XKR4: variants seen among roughly 807,000 people sequenced by gnomAD.
XKR4 encodes the protein XK related 4.
A neutral mutation model predicts 53.9 loss-of-function variants in XKR4; 12 were observed. The observed-to-expected ratio is 0.22, with a 90% CI of 0.14 to 0.36. The LOEUF is 0.36. Among genes scored for constraint, XKR4 ranks in the 10% least tolerant of loss-of-function variants. The pLI is 1.00. For synonymous variants in XKR4, 354 were observed against 362.4 expected (o/e 0.98, Z 0.26); for missense variants, 799 against 859.5 (o/e 0.93, Z 0.88).
chr8:55,274,283 G>T (rs912880456), intron 1 of XKR4, among the ~76,000 whole-genome samples: 34 of 152,122 alleles, frequency 2.2e-4, no homozygotes, highest in Admixed American at 4.6e-4. Context: ...TCACAGTTCT[G>T]CAGGCCAAAG....
chr8:55,250,741 T>C (rs1429131813), intron 1 of XKR4, among the ~76,000 whole-genome samples: 3 of 152,218 alleles, frequency 2.0e-5, no homozygotes, highest in Non-Finnish European at 2.9e-5. Context: ...CTAGCAACTG[T>C]GAATGTCAAT....
intron 2 of XKR4, among the ~76,000 whole-genome samples, chr8:55,433,286 A>T (rs1805127541): frequency 6.6e-6 from 1 of 152,232 alleles, no homozygotes; most frequent in African/African-American, 2.4e-5. Context: ...CAAGGAGAGA[A>T]TGTGTTTTCA....
At chr8:55,212,896 A>G (rs1360644948) in intron 1 of XKR4, among the ~76,000 whole-genome samples, 2 of 152,236 alleles carry the variant, frequency 1.3e-5, no homozygotes, top group South Asian at 2.1e-4. Flanking sequence ...ATTTTAAAAT[A>G]TTAGAATTAT....
At chr8:55,410,102 AG>A (rs1804752365) in intron 2 of XKR4, among the ~76,000 whole-genome samples, 1 of 149,782 alleles carries the variant, frequency 6.7e-6, no homozygotes, top group Admixed American at 6.6e-5. Context: ...AAAAAAAAAA[AG>A]CCTTTTGAAA....
chr8:55,103,809 G>A (rs967096465), intron 1 of XKR4, among the ~76,000 whole-genome samples: 4 of 145,410 alleles, frequency 2.8e-5, no homozygotes, highest in African/African-American at 1.0e-4. Context: ...TGCTGGAGAA[G>A]TGCTTTACTC....
At chr8:55,310,307 C>A (rs941410644) in intron 1 of XKR4, among the ~76,000 whole-genome samples, 3 of 152,130 alleles carry the variant, frequency 2.0e-5, no homozygotes, top group Admixed American at 6.5e-5. Context: ...CTTCCAAGTG[C>A]GTGACCTTCA....
chr8:55,201,787 T>C (rs901769349), intron 1 of XKR4, among the ~76,000 whole-genome samples: 6 of 152,208 alleles, frequency 3.9e-5, no homozygotes, highest in Non-Finnish European at 5.9e-5. Flanking sequence ...TGAAATCGCA[T>C]GCACATTCCT....
In XKR4 at chr8:55,506,068, T is replaced by C. The variant is rs556875544; in HGVS notation, c.1007-17213T>C. ...CTAACTGGCAGTAGCCACCATTTTA[T>C]AACTCTGAAGTAATTGAAAGACAGA... On this transcript the variant is annotated intron_variant, in intron 2 of 2. Coordinates refer to ENST00000327381, the MANE Select transcript of XKR4 (RefSeq NM_052898.2). 1.1e-3 allele frequency among the ~76,000 whole-genome samples: 165 copies of C among 152,384 alleles called. 1 individual carries two copies. The highest frequency in any genetic ancestry group is 2.9e-4 in the Non-Finnish European group (20 of 68,034).
In XKR4 at chr8:55,263,802, C is replaced by T. The variant is rs115051052; in HGVS notation, c.807-93876C>T. Among the ~76,000 whole-genome samples, 705 of 152,308 alleles carry T rather than the reference C, an allele frequency of 4.6e-3. 6 individuals carry two copies. Among genetic ancestry groups the T allele is most frequent in the African/African-American group, 0.016 (658 of 41,568 alleles). On this transcript the variant is annotated intron_variant, in intron 1 of 2. Transcript: ENST00000327381. ...ACGTCTTTTTGAATGCAGACTAAAA[C>T]ACAGCACTTGGCTGAAACAAACGTC...
intron 2 of XKR4, among the ~76,000 whole-genome samples, chr8:55,374,439 C>T (rs569798173): frequency 6.6e-6 from 1 of 152,308 alleles, no homozygotes; most frequent in Non-Finnish European, 1.5e-5. Context: ...TTTGCACACA[C>T]TGTACCTCAA....
At chr8:55,468,086 T>A (rs117825882) in intron 2 of XKR4, among the ~76,000 whole-genome samples, 42 of 152,206 alleles carry the variant, frequency 2.8e-4, no homozygotes, top group Admixed American at 1.4e-3. Context: ...GGATTTCCAG[T>A]TTCCATCACA....
intron 1 of XKR4, among the ~76,000 whole-genome samples, chr8:55,178,575 A>G (rs1306637086): frequency 6.6e-6 from 1 of 152,166 alleles, no homozygotes; most frequent in Non-Finnish European, 1.5e-5. Flanking sequence ...CTCCTGGCAA[A>G]ATAAAACCAA....
intron 2 of XKR4, among the ~76,000 whole-genome samples, chr8:55,508,324 G>A (rs1585611847): frequency 1.3e-5 from 2 of 152,144 alleles, no homozygotes; most frequent in South Asian, 2.1e-4. Flanking sequence ...AGCAAAAACA[G>A]CATCCAAGCC....
At chr8:55,430,899 AAAT>A (rs1413985242) in intron 2 of XKR4, among the ~76,000 whole-genome samples, 21 of 152,224 alleles carry the variant, frequency 1.4e-4, no homozygotes, top group African/African-American at 5.1e-4. Flanking sequence ...CTCAGGCTTC[AAAT>A]AGAGTCACAT....
At chr8:55,438,494 G>T (rs1283982672) in intron 2 of XKR4, among the ~76,000 whole-genome samples, 1 of 149,838 alleles carries the variant, frequency 6.7e-6, no homozygotes, top group Non-Finnish European at 1.5e-5. Context: ...GGAGGCTGAG[G>T]AAGGAGAATT....
At chr8:55,274,340 T>C (rs1466999566) in intron 1 of XKR4, among the ~76,000 whole-genome samples, 4 of 152,134 alleles carry the variant, frequency 2.6e-5, no homozygotes, top group Admixed American at 1.3e-4. Flanking sequence ...GAGGCCTCTC[T>C]CCTTAGCTTG....
intron 1 of XKR4, among the ~76,000 whole-genome samples, chr8:55,224,063 C>T (rs1218341810): frequency 6.6e-6 from 1 of 152,194 alleles, no homozygotes; most frequent in Non-Finnish European, 1.5e-5. Context: ...CATTGCATAA[C>T]TAAATGTGCA....
rs1807084824 is a variant in XKR4, at chr8:55,540,365, A to T, written c.*16138A>T. 6.6e-6 allele frequency: 1 copy of T among 152,196 alleles called. No individual in the cohort carries two copies. Among genetic ancestry groups the T allele is most frequent in the South Asian group, 2.1e-4 (1 of 4,830 alleles). The allele number at this position is 152,196 out of a possible 1,614,324, so 9.4% of individuals were successfully genotyped here. A position where few individuals can be genotyped will look rare whatever the true frequency, so the allele number is the denominator to read the frequency against. ...TAGTTTACGTGTGTTAGTATTGCTG[A>T]CATATTATTATCATCACAAAATTCC... On this transcript the variant is annotated 3_prime_UTR_variant, in exon 3 of 3. Coordinates refer to ENST00000327381, the MANE Select transcript of XKR4 (RefSeq NM_052898.2).
intron 1 of XKR4, among the ~76,000 whole-genome samples, chr8:55,278,948 A>AAAAAAC (rs1318784616): frequency 6.6e-6 from 1 of 152,210 alleles, no homozygotes; most frequent in Non-Finnish European, 1.5e-5. Context: ...AAGAGAAGCA[A>AAAAAAC]AAAAACAAAA....
Sources: allele counts gnomAD v4.1 joint callset (sites outside exome capture counted in the v4.1 genomes callset), GRCh38; gene constraint gnomAD v4.1.1; transcripts MANE v1.5; gene names NCBI Gene and HGNC (gene_info 2026-07-23, HGNC 2026-07-21).